GRID1: variants seen among roughly 807,000 people sequenced by gnomAD.
GRID1 encodes the protein glutamate ionotropic receptor delta type subunit 1.
A neutral mutation model predicts 98.0 loss-of-function variants in GRID1; 28 were observed. That is an observed-to-expected ratio of 0.29 (90% CI 0.21 to 0.39). The LOEUF is 0.39. Among genes scored for constraint, GRID1 ranks in the 10% least tolerant of loss-of-function variants. The probability of loss-of-function intolerance (pLI) is 1.00; values close to 1 mark genes in which losing one functional copy is unlikely to be tolerated. For synonymous variants in GRID1, 553 were observed against 538.5 expected (o/e 1.03, Z -0.37); for missense variants, 1,111 against 1,340.5 (o/e 0.83, Z 2.67).
intron 4 of GRID1, among the ~76,000 whole-genome samples, chr10:86,061,696 T>G (rs1021353359): frequency 6.6e-6 from 1 of 152,102 alleles, no homozygotes; most frequent in African/African-American, 2.4e-5. Context: ...CTCCTGCCAG[T>G]GCTCCAAGGG....
intron 2 of GRID1, among the ~76,000 whole-genome samples, chr10:86,280,775 T>G (rs1589435783): frequency 6.6e-6 from 1 of 152,310 alleles, no homozygotes; most frequent in East Asian, 1.9e-4. Flanking sequence ...CTGCTCCCCA[T>G]ACCTCCTCTA....
intron 4 of GRID1, among the ~76,000 whole-genome samples, chr10:85,950,839 C>T (rs1052279867): frequency 2.0e-5 from 3 of 152,152 alleles, no homozygotes; most frequent in African/African-American, 7.2e-5. Context: ...GGATATGCAC[C>T]ACTCCTCTCC....
At chr10:86,273,069 C>T (rs928521814) in intron 2 of GRID1, among the ~76,000 whole-genome samples, 2 of 151,922 alleles carry the variant, frequency 1.3e-5, no homozygotes, top group African/African-American at 2.4e-5. Flanking sequence ...CCACTCCCCC[C>T]ACCCCACAAC....
chr10:86,337,853 G>A (rs564120573), intron 2 of GRID1, among the ~76,000 whole-genome samples: 16 of 151,680 alleles, frequency 1.1e-4, no homozygotes, highest in South Asian at 6.2e-4. Flanking sequence ...GATTACAGGC[G>A]CCCGCCACCA....
chr10:85,827,496 G>T (rs995596084), intron 8 of GRID1, among the ~76,000 whole-genome samples: 5 of 152,086 alleles, frequency 3.3e-5, no homozygotes, highest in Non-Finnish European at 7.4e-5. Flanking sequence ...AATGTGAAGA[G>T]ACCAAATCTA....
chr10:85,637,387 G>A (rs568154071), intron 13 of GRID1, among the ~76,000 whole-genome samples: 13 of 152,270 alleles, frequency 8.5e-5, no homozygotes, highest in African/African-American at 2.4e-4. Context: ...TGGATCTGCC[G>A]TTGGGTGGAC....
chr10:86,180,240 C>T lies in GRID1; in HGVS notation c.520+26124G>A, dbSNP rs150668460. Among the ~76,000 whole-genome samples, 371 of 152,264 alleles carry T rather than the reference C, an allele frequency of 2.4e-3. 1 individual carries two copies. The highest frequency in any genetic ancestry group is 0.01 in the Middle Eastern group (3 of 294). ...CCAGGGGTGGGCACCATGCCTGGGG[C>T]CCGCAGTGATTGGCTCAGCAACTCC... On this transcript the variant is annotated intron_variant, in intron 3 of 15. Coordinates refer to ENST00000327946, the MANE Select transcript of GRID1 (RefSeq NM_017551.3).
chr10:86,203,771 C>T (rs946101721), intron 3 of GRID1, among the ~76,000 whole-genome samples: 4 of 151,924 alleles, frequency 2.6e-5, no homozygotes, highest in African/African-American at 7.2e-5. Flanking sequence ...CTCCGCTCAC[C>T]TCCACCCTCC....
At chr10:85,607,740 A>T (rs1235977635) in intron 15 of GRID1, among the ~76,000 whole-genome samples, 2 of 151,788 alleles carry the variant, frequency 1.3e-5, no homozygotes, top group Non-Finnish European at 1.5e-5. Flanking sequence ...GCAATTCCAC[A>T]GTAAGTGGAA....
At chr10:85,626,404 C>T (rs1440894671) in intron 13 of GRID1, among the ~76,000 whole-genome samples, 1 of 152,202 alleles carries the variant, frequency 6.6e-6, no homozygotes, top group Non-Finnish European at 1.5e-5. Flanking sequence ...TGCTCTTGGA[C>T]CACTTCCTAG....
intron 2 of GRID1, among the ~76,000 whole-genome samples, chr10:86,269,933 G>C (rs953006603): frequency 3.9e-5 from 6 of 152,008 alleles, no homozygotes; most frequent in Non-Finnish European, 7.4e-5. Context: ...GGGTCTACAG[G>C]GCTCACACAT....
At chr10:85,804,327 A>C (rs1187004039) in intron 8 of GRID1, among the ~76,000 whole-genome samples, 1 of 151,958 alleles carries the variant, frequency 6.6e-6, no homozygotes, top group Non-Finnish European at 1.5e-5. Flanking sequence ...AACTGACATT[A>C]GAAGAACTAA....
At chr10:86,239,102 C>T (rs535968567) in intron 2 of GRID1, among the ~76,000 whole-genome samples, 1 of 152,246 alleles carries the variant, frequency 6.6e-6, no homozygotes, top group Non-Finnish European at 1.5e-5. Flanking sequence ...CTGAGCCCTG[C>T]AGAGCCATAG....
intron 5 of GRID1, among the ~76,000 whole-genome samples, chr10:85,879,977 G>T (rs1184333662): frequency 6.6e-6 from 1 of 152,160 alleles, no homozygotes; most frequent in African/African-American, 2.4e-5. Flanking sequence ...ATTACCATCA[G>T]AGAATACTAT....
intron 4 of GRID1, among the ~76,000 whole-genome samples, chr10:86,019,074 G>A (rs1843016320): frequency 6.6e-6 from 1 of 152,164 alleles, no homozygotes; most frequent in African/African-American, 2.4e-5. Context: ...AGGACAAGAT[G>A]GTGCCTTTGA....
chr10:86,353,996 C>T (rs1442163671), intron 2 of GRID1, among the ~76,000 whole-genome samples: 4 of 152,116 alleles, frequency 2.6e-5, no homozygotes, highest in Non-Finnish European at 4.4e-5. Flanking sequence ...GCCCAGAGCC[C>T]AGACCAGAGG....
intron 2 of GRID1, chr10:86,264,663 C>G (rs1401121935): frequency 2.1e-6 from 1 of 467,538 alleles, no homozygotes; most frequent in Non-Finnish European, 4.4e-6. Context: ...GAGTCTGTAA[C>G]CAGAGAGAAG....
At position 86,020,405 on chromosome 10, in the gene GRID1, G is replaced by A. The variant is rs534116263; in HGVS notation, c.727-104166C>T. Among the ~76,000 whole-genome samples, 10 of 152,306 alleles carry A rather than the reference G, an allele frequency of 6.6e-5. No homozygotes were observed. The South Asian group carries it at 1.9e-3, about 28-fold the overall frequency. ...GCTGGATGTGCAGGAGTCGACACTC[G>A]CCCATGCAGCTCCAGCCTGTGGGCC... On this transcript the variant is annotated intron_variant, in intron 4 of 15. Transcript: ENST00000327946.
chr10:85,747,126 G>A (rs913500131), intron 8 of GRID1, among the ~76,000 whole-genome samples: 7 of 152,222 alleles, frequency 4.6e-5, no homozygotes, highest in Non-Finnish European at 7.4e-5. Context: ...AGAGACTTGA[G>A]GCTCAGAACG....
Sources: allele counts gnomAD v4.1 joint callset (sites outside exome capture counted in the v4.1 genomes callset), GRCh38; gene constraint gnomAD v4.1.1; transcripts MANE v1.5; gene names NCBI Gene and HGNC (gene_info 2026-07-23, HGNC 2026-07-21).